LRBA: variants seen among roughly 807,000 people sequenced by gnomAD.
LRBA encodes lipopolysaccharide-responsive and beige-like anchor protein.
LRBA carries 176 observed loss-of-function variants against 330.0 expected under a neutral mutation model. The observed-to-expected ratio is 0.53, with a 90% CI of 0.47 to 0.60. The LOEUF (loss-of-function observed/expected upper bound fraction) is 0.60, where lower values mean the gene tolerates loss of function less well. Among genes scored for constraint, LRBA ranks in the 20% least tolerant of loss-of-function variants. The pLI, the probability that LRBA is intolerant of heterozygous loss-of-function variation, is 0.00. For synonymous variants in LRBA, 1,230 were observed against 1,193.0 expected (o/e 1.03, Z -0.64); for missense variants, 3,259 against 3,444.8 (o/e 0.95, Z 1.35).
At chr4:150,690,679 G>A (rs200385543) in intron 36 of LRBA, among the ~76,000 whole-genome samples, 33 of 146,720 alleles carry the variant, frequency 2.2e-4, no homozygotes, top group South Asian at 2.1e-4. Context: ...ATCCACATGA[G>A]AAAAAAAAAA....
At chr4:150,509,897 G>A (rs967158467) in intron 40 of LRBA, among the ~76,000 whole-genome samples, 7 of 152,224 alleles carry the variant, frequency 4.6e-5, no homozygotes, top group African/African-American at 1.7e-4. Flanking sequence ...AGAACTTTGG[G>A]AGACAGAAGC....
At chr4:150,833,549 C>A (rs1168575967) in intron 28 of LRBA, among the ~76,000 whole-genome samples, 1 of 152,096 alleles carries the variant, frequency 6.6e-6, no homozygotes, top group Non-Finnish European at 1.5e-5. Flanking sequence ...GTTACGTTTA[C>A]ACTATACTGT....
At chr4:150,819,376 G>T (rs940574854) in intron 30 of LRBA, among the ~76,000 whole-genome samples, 1 of 151,262 alleles carries the variant, frequency 6.6e-6, no homozygotes, top group Non-Finnish European at 1.5e-5. Flanking sequence ...TCATCAAATG[G>T]TACACTTAAG....
rs1746508536 is a variant in LRBA at position 150,408,458 on chromosome 4, A to AT, written c.7194+6979dup. ...GCGTCAGTGGTGAATTCCACCAAAC[A>AT]TTTAAAGAAGAAATAATATGTAGCA... On this transcript the variant is annotated intron_variant, in intron 47 of 56. Transcript: ENST00000651943. 7.9e-5 allele frequency among the ~76,000 whole-genome samples: 12 copies of AT among 152,316 alleles called. No individual in the cohort carries two copies. The South Asian group carries it at 2.5e-3, about 32-fold the overall frequency.
At chr4:150,607,152 C>A (rs1471098582) in intron 37 of LRBA, among the ~76,000 whole-genome samples, 1 of 152,112 alleles carries the variant, frequency 6.6e-6, no homozygotes, top group Non-Finnish European at 1.5e-5. Context: ...AGGTTTAGAA[C>A]CAGATTTCAA....
intron 48 of LRBA, among the ~76,000 whole-genome samples, chr4:150,333,904 A>G (rs1195461418): frequency 2.0e-5 from 3 of 152,214 alleles, no homozygotes; most frequent in Admixed American, 1.3e-4. Flanking sequence ...GCAAGTAAAT[A>G]TATTTGGTAA....
rs538842974 is a variant in LRBA, at chr4:150,288,087, G to A, written c.8018-2053C>T. On this transcript the variant is annotated intron_variant, in intron 53 of 56. Coordinates refer to ENST00000651943, the MANE Select transcript of LRBA (RefSeq NM_001364905.1). The stretch of plus-strand genomic sequence containing the variant: ...ACTCACTGCCAGCTCCGCCTTCCAG[G>A]TTCACACCATTCTCCTGCCTTGGCC... 2.8e-4 allele frequency among the ~76,000 whole-genome samples: 43 copies of A among 151,832 alleles called. 1 individual carries two copies. Among genetic ancestry groups the A allele is most frequent in the Non-Finnish European group, 4.9e-4 (33 of 67,920 alleles).
intron 43 of LRBA, among the ~76,000 whole-genome samples, chr4:150,468,913 G>A (rs1755772603): frequency 1.3e-5 from 2 of 151,464 alleles, no homozygotes; most frequent in Non-Finnish European, 3.0e-5. Context: ...TGGCTGACCT[G>A]GAACAGTCTT....
chr4:150,989,588 G>A (rs903500657), intron 2 of LRBA, among the ~76,000 whole-genome samples: 8 of 152,042 alleles, frequency 5.3e-5, no homozygotes, highest in Non-Finnish European at 1.2e-4. Context: ...ACTCCAGCCC[G>A]GGCGACAGAG....
Position 150,590,871 on chromosome 4 carries a change from A to C in LRBA, c.6047-12T>G. ...ATCTTCATCTGTGGCTGAAATGAAA[A>C]GGAAACAAAGCTGTCCATCAGTTCT... On this transcript the variant is annotated splice_polypyrimidine_tract_variant and intron_variant, in intron 38 of 56. Transcript: ENST00000651943. The C allele has an allele frequency of 1.2e-6, 2 of 1,613,240 alleles. No homozygotes were observed. The highest frequency in any genetic ancestry group is 8.5e-7 in the Non-Finnish European group (1 of 1,179,774).
At chr4:150,302,966 C>CA (rs1408763223) in intron 52 of LRBA, among the ~76,000 whole-genome samples, 174 bp from the exon 53 acceptor site, 9 of 151,874 alleles carry the variant, frequency 5.9e-5, no homozygotes, top group Non-Finnish European at 8.8e-5. Flanking sequence ...ACAAGAACAA[C>CA]AAAAAAACAA....
intron 2 of LRBA, among the ~76,000 whole-genome samples, chr4:151,003,292 G>A (rs1247095288): frequency 6.6e-6 from 1 of 151,476 alleles, no homozygotes; most frequent in African/African-American, 2.4e-5. Context: ...AGCTACTTGG[G>A]AGGCTGAGGC....
At chr4:150,906,452 T>C in intron 11 of LRBA, 47 bp from the exon 12 acceptor site, 2 of 1,094,568 alleles carry the variant, frequency 1.8e-6, no homozygotes, top group South Asian at 2.6e-5. Context: ...TATTCTATTT[T>C]TTTTAAATTA....
intron 28 of LRBA, among the ~76,000 whole-genome samples, chr4:150,838,104 T>C (rs1221766502): frequency 6.6e-6 from 1 of 152,196 alleles, no homozygotes; most frequent in Non-Finnish European, 1.5e-5. Context: ...TCTTTAAGAA[T>C]GTTGAATATT....
At position 150,908,790 on chromosome 4, in the gene LRBA, T is replaced by C; in HGVS notation, c.1229A>G (p.Asp410Gly). 6.2e-7 allele frequency: 1 copy of C among 1,613,868 alleles called. No homozygotes were observed. The highest frequency in any genetic ancestry group is 1.3e-5 in the African/African-American group (1 of 75,038). ...LAEHHKLLLY[D>G]GKLSSAIAFT... is the part of the protein sequence containing the mutation. The stretch of plus-strand genomic sequence containing the variant: ...TGCAATGGCACTAGAGAGTTTCCCA[T>C]CGTACAATAAAAGTTTGTGATGCTC... The change falls in exon 10 of 57, where the codon GAT (aspartate) becomes GGT (glycine). Residue 410 changes from aspartate (D) to glycine (G), a missense_variant. Coordinates refer to ENST00000651943, the MANE Select transcript of LRBA (RefSeq NM_001364905.1).
intron 40 of LRBA, among the ~76,000 whole-genome samples, chr4:150,566,100 A>G (rs888121926): frequency 5.3e-5 from 8 of 151,964 alleles, no homozygotes; most frequent in Admixed American, 4.6e-4. Flanking sequence ...ATGGTGGTAC[A>G]TGCCTGTAGT....
intron 36 of LRBA, among the ~76,000 whole-genome samples, chr4:150,727,050 T>C (rs1043378021): frequency 6.7e-6 from 1 of 149,582 alleles, no homozygotes; most frequent in East Asian, 2.0e-4. Context: ...CTAAAGTTAT[T>C]TACAGAACAT....
intron 26 of LRBA, among the ~76,000 whole-genome samples, chr4:150,845,621 G>A (rs575182281): frequency 1.3e-5 from 2 of 152,184 alleles, no homozygotes; most frequent in East Asian, 3.9e-4. Flanking sequence ...AAACTTAAGG[G>A]GGGACTTCAC....
intron 37 of LRBA, among the ~76,000 whole-genome samples, chr4:150,668,861 A>T (rs1781799139): frequency 6.6e-6 from 1 of 152,226 alleles, no homozygotes; most frequent in Non-Finnish European, 1.5e-5. Context: ...GGAAAAGAGC[A>T]TAAAGAAAGA....
Sources: allele counts gnomAD v4.1 joint callset (sites outside exome capture counted in the v4.1 genomes callset), GRCh38; gene constraint gnomAD v4.1.1; transcripts MANE v1.5; gene names NCBI Gene and HGNC (gene_info 2026-07-23, HGNC 2026-07-21).